Variants in SCUBE2 observed in about 807,000 individuals in gnomAD.
SCUBE2 encodes the protein signal peptide, CUB domain and EGF like domain containing 2, also known as signal peptide, CUB and EGF-like domain-containing protein 2.
In SCUBE2, 114 loss-of-function variants were observed where a neutral mutation model predicts 125.9. The ratio of observed to expected loss-of-function variants is 0.91; its 90% confidence interval spans 0.78 to 1.06. The LOEUF (loss-of-function observed/expected upper bound fraction) is 1.06. Among genes scored for constraint, SCUBE2 ranks in the 50% least tolerant of loss-of-function variants. The pLI is 0.00. For missense variants in SCUBE2, 1,255 were observed against 1,301.8 expected, an observed-to-expected ratio of 0.96 and a Z score of 0.55; for synonymous variants, 459 against 492.9, an observed-to-expected ratio of 0.93 and a Z score of 0.91.
chr11:9,052,895 C>G, intron 12 of SCUBE2, 63 bp from the exon 13 acceptor site: 1 of 1,325,814 alleles, frequency 7.5e-7, no homozygotes, highest in South Asian at 1.3e-5. Context: ...CTGGTAGCAG[C>G]TAAACTGTCC....
rs769873170 is a variant in SCUBE2 at position 9,074,511 on chromosome 11, T to C, written c.487A>G (p.Asn163Asp). 2 of 1,614,194 alleles carry C rather than the reference T, an allele frequency of 1.2e-6. No homozygotes were observed. The highest frequency in any genetic ancestry group is 8.5e-7 in the Non-Finnish European group (1 of 1,180,030). The change falls in exon 4 of 23, where the codon AAT becomes GAT. Residue 163 changes from asparagine to aspartate, a missense_variant. Coordinates refer to ENST00000649792, the MANE Select transcript of SCUBE2 (RefSeq NM_001367977.2). ...CCKEGFFLSD[N>D]QHTCIHRSEE... ...GAGCGGTGAATGCAGGTGTGCTGAT[T>C]GTCACTCAGGAAAAACCCCTCCTTG...
chr11:9,087,525 AAG>A (rs1443603270), intron 2 of SCUBE2, among the ~76,000 whole-genome samples: 2 of 151,290 alleles, frequency 1.3e-5, no homozygotes, highest in Middle Eastern at 3.2e-3. Context: ...GGGAGGGGGG[AAG>A]AGAGAGAGAA....
intron 6 of SCUBE2, among the ~76,000 whole-genome samples, chr11:9,066,488 G>T (rs1333604641): frequency 6.6e-6 from 1 of 152,248 alleles, no homozygotes; most frequent in African/African-American, 2.4e-5. Context: ...AGGAGAGGAG[G>T]AAGGGCTTCC....
At chr11:9,025,531 T>C in intron 21 of SCUBE2, 171 bp downstream of exon 21, 1 of 623,674 alleles carries the variant, frequency 1.6e-6, no homozygotes, top group Non-Finnish European at 2.8e-6. Context: ...CTATTGTCAG[T>C]GTCCCCAAAT....
chr11:9,047,817 G>GA (rs899120511), intron 15 of SCUBE2, 126 bp downstream of exon 15: 237 of 1,215,214 alleles, frequency 2.0e-4, no homozygotes, highest in Middle Eastern at 6.0e-4. Flanking sequence ...GTTTCGGGGT[G>GA]AAAAAAAACA....
chr11:9,088,607 T>G (rs967237648), intron 2 of SCUBE2, among the ~76,000 whole-genome samples: 1 of 152,224 alleles, frequency 6.6e-6, no homozygotes, highest in Non-Finnish European at 1.5e-5. Context: ...CCTGCAAGTA[T>G]TCAGAAGATC....
rs772859365 is a variant in SCUBE2 at position 9,047,519 on chromosome 11, C to CCGCTTCT, written c.1832_1838dup (p.Leu614GlufsTer5). 2 of 1,614,000 alleles carry CCGCTTCT rather than the reference C, an allele frequency of 1.2e-6. No homozygotes were observed. Among genetic ancestry groups the CCGCTTCT allele is most frequent in the South Asian group, 2.2e-5 (2 of 91,044 alleles). On this transcript the variant is annotated frameshift_variant, in exon 16 of 23. Coordinates refer to ENST00000649792, the MANE Select transcript of SCUBE2 (RefSeq NM_001367977.2). LOFTEE classifies it high-confidence loss of function. ...TGAGCGTGCGGATGGCTTTACGGAG[C>CCGCTTCT]CGCTTCTCGGTTCGCTTTACGATGC...
At chr11:9,060,281 T>C (rs2135584238) in intron 8 of SCUBE2, 127 bp downstream of exon 8, 4 of 694,946 alleles carry the variant, frequency 5.8e-6, no homozygotes, top group South Asian at 1.9e-5. Context: ...CCCATTGATA[T>C]GAATCATAAG....
chr11:9,020,971 C>T lies in SCUBE2; in HGVS notation c.*74G>A. On this transcript the variant is annotated 3_prime_UTR_variant, in exon 23 of 23. Coordinates refer to ENST00000649792, the MANE Select transcript of SCUBE2 (RefSeq NM_001367977.2). ...AGGCAGCAATACCCGACTGTGCTGA[C>T]ATGCAGAAGGAAGACAGCTCTGTCC... The T allele has an allele frequency of 7.2e-7, 1 of 1,385,472 alleles. No homozygotes were observed. 85.8% of individuals were successfully genotyped at this position (1,385,472 alleles called of 1,614,324 possible).
At chr11:9,080,058 G>C (rs912493458) in intron 2 of SCUBE2, among the ~76,000 whole-genome samples, 1 of 152,184 alleles carries the variant, frequency 6.6e-6, no homozygotes, top group Non-Finnish European at 1.5e-5. Context: ...TAAACCTACA[G>C]TTATCAAGAC....
intron 4 of SCUBE2, among the ~76,000 whole-genome samples, chr11:9,070,276 G>A (rs1860658811): frequency 6.6e-6 from 1 of 152,176 alleles, no homozygotes; most frequent in African/African-American, 2.4e-5. Context: ...ATGGTGGGAA[G>A]GGGAACAGCT....
chr11:9,091,327 C>A lies in SCUBE2; in HGVS notation c.133+69G>T. ...CCCGCGCGCCCGGCTCTGGACTCCG[C>A]CGGGGACCTAAACACTCTTCCTGGC... On this transcript the variant is annotated intron_variant, in intron 1 of 22. Coordinates refer to ENST00000649792, the MANE Select transcript of SCUBE2 (RefSeq NM_001367977.2). The surrounding 1 kb of genome is among the most constrained non-coding windows in gnomAD (Gnocchi z 8.5). 2 of 1,147,770 alleles carry A rather than the reference C, an allele frequency of 1.7e-6. No homozygotes were observed. Among genetic ancestry groups the A allele is most frequent in the East Asian group, 3.5e-5 (1 of 28,326 alleles). 71.1% of individuals were successfully genotyped at this position (1,147,770 alleles called of 1,614,324 possible). A position where few individuals can be genotyped will look rare whatever the true frequency, so the allele number is the denominator to read the frequency against.
intron 4 of SCUBE2, among the ~76,000 whole-genome samples, chr11:9,073,942 C>T (rs1242413539): frequency 6.6e-6 from 1 of 152,130 alleles, no homozygotes; most frequent in Non-Finnish European, 1.5e-5. Flanking sequence ...GTGACGTAGG[C>T]GAAGGAAACC....
chr11:9,059,530 A>C, intron 8 of SCUBE2, 105 bp from the exon 9 acceptor site: 2 of 1,358,778 alleles, frequency 1.5e-6, no homozygotes, highest in African/African-American at 2.9e-5. Flanking sequence ...GAAATTAAGA[A>C]AAAGACTCAC....
chr11:9,072,608 A>C (rs762436890), intron 4 of SCUBE2, among the ~76,000 whole-genome samples: 10 of 152,316 alleles, frequency 6.6e-5, no homozygotes, highest in Non-Finnish European at 1.5e-4. Context: ...TATTTGAAGA[A>C]TCAAAACCCT....
At chr11:9,030,416 G>T in intron 18 of SCUBE2, 1 of 408,442 alleles carries the variant, frequency 2.4e-6, no homozygotes, top group Non-Finnish European at 4.5e-6. Context: ...CAGCTGGAGT[G>T]GGGTTCTGGA....
Position 9,053,693 on chromosome 11 carries a change from T to C in SCUBE2, c.1274A>G (p.Tyr425Cys). ...GTACCCAGGGTGGCACTGGCATTCA[T>C]AGCTGCCCACTGTGTTCACACAGAC... Reference protein sequence around the residue: ...QQVCVNTVGSYECQCHPGYKL... With the variant: ...QQVCVNTVGSCECQCHPGYKL... The change falls in exon 11 of 23, where the codon TAT becomes TGT. Residue 425 changes from tyrosine to cysteine, a missense_variant. Around this residue, in one of 3 missense-constraint regions of SCUBE2, gnomAD observed 378 missense variants for 463.1 expected, o/e 0.82. Coordinates refer to ENST00000649792, the MANE Select transcript of SCUBE2 (RefSeq NM_001367977.2). The C allele has an allele frequency of 6.2e-7, 1 of 1,614,166 alleles. No individual in the cohort carries two copies. Among genetic ancestry groups the C allele is most frequent in the Non-Finnish European group, 8.5e-7 (1 of 1,180,008 alleles).
At chr11:9,053,595 T>G in intron 11 of SCUBE2, 42 bp downstream of exon 11, 2 of 1,606,512 alleles carry the variant, frequency 1.2e-6, no homozygotes, top group South Asian at 1.1e-5. Flanking sequence ...TCTGGGCCAG[T>G]GGCCAGCCTG....
Position 9,030,794 on chromosome 11 carries a change from G to C in SCUBE2, c.2305C>G (p.Gln769Glu). The C allele has an allele frequency of 6.2e-7, 1 of 1,614,198 alleles. No individual in the cohort carries two copies. The highest frequency in any genetic ancestry group is 8.5e-7 in the Non-Finnish European group (1 of 1,180,022). Residue 769 changes from glutamine to glutamate, a missense_variant, in exon 18 of 23, where the codon CAG (glutamine) becomes GAG (glutamate). This residue lies in a region of SCUBE2 where 515 missense variants were observed against 515.7 expected (regional missense o/e 1.00). Coordinates refer to ENST00000649792, the MANE Select transcript of SCUBE2 (RefSeq NM_001367977.2). ...PCGGGLATKH[Q>E]GATSFQDCET... ...CAGTCCTGAAAGGAAGTAGCTCCCT[G>C]ATGTTTGGTGGCAAGGCCTCCTCCA...
Sources: allele counts gnomAD v4.1 joint callset (sites outside exome capture counted in the v4.1 genomes callset), GRCh38; gene constraint gnomAD v4.1.1; regional missense constraint gnomAD v4.1.1; non-coding constraint Gnocchi (gnomAD v3.1); transcripts MANE v1.5; gene names NCBI Gene and HGNC (gene_info 2026-07-23, HGNC 2026-07-21).